The following PTPRM variants were observed in gnomAD, a reference collection of about 807,000 sequenced individuals.
The protein encoded by PTPRM is receptor-type tyrosine-protein phosphatase mu.
In PTPRM, 47 loss-of-function variants were observed where a neutral mutation model predicts 186.7. That is an observed-to-expected ratio of 0.25 (90% CI 0.20 to 0.32). The LOEUF (loss-of-function observed/expected upper bound fraction) is 0.32, where lower values mean the gene tolerates loss of function less well. Ranked by LOEUF, PTPRM falls within the 10% of genes least tolerant of loss-of-function variation. The probability of loss-of-function intolerance (pLI) is 1.00; values close to 1 mark genes in which losing one functional copy is unlikely to be tolerated. For missense variants in PTPRM, 1,494 were observed against 1,865.0 expected (o/e 0.80, Z 3.66); for synonymous variants, 668 against 674.9 (o/e 0.99, Z 0.16).
intron 1 of PTPRM, among the ~76,000 whole-genome samples, chr18:7,750,747 G>T (rs751878181): frequency 1.3e-5 from 2 of 152,102 alleles, no homozygotes; most frequent in Non-Finnish European, 2.9e-5. Flanking sequence ...GCTTTCGTAT[G>T]AGTACACACC....
chr18:8,144,393 C>T (rs1295824940), intron 14 of PTPRM, among the ~76,000 whole-genome samples: 1 of 152,174 alleles, frequency 6.6e-6, no homozygotes, highest in Non-Finnish European at 1.5e-5. Flanking sequence ...GCAGGTGAAT[C>T]ATTTGATCAC....
chr18:7,906,593 CTT>C lies in PTPRM; in HGVS notation c.547+12_547+13del. ...TTAGGACATCCATGTAGTAAGTTGT[CTT>C]TATTTGTAAATATTCGGGTACATCA... On this transcript the variant is annotated intron_variant, in intron 4 of 32. Coordinates refer to ENST00000580170, the MANE Select transcript of PTPRM (RefSeq NM_001105244.2). The C allele has an allele frequency of 6.3e-7, 1 of 1,592,212 alleles. No homozygotes were observed. Among genetic ancestry groups the C allele is most frequent in the Non-Finnish European group, 8.6e-7 (1 of 1,160,230 alleles).
chr18:8,347,314 C>G (rs1236157103), intron 23 of PTPRM, among the ~76,000 whole-genome samples: 1 of 152,120 alleles, frequency 6.6e-6, no homozygotes, highest in Non-Finnish European at 1.5e-5. Context: ...AATTGGAATT[C>G]CAAAGGACAC....
intron 7 of PTPRM, among the ~76,000 whole-genome samples, chr18:8,028,618 C>T (rs141383638): frequency 1.9e-3 from 282 of 152,148 alleles, no homozygotes; most frequent in African/African-American, 6.3e-3. Context: ...TCCCAGAGCC[C>T]GACTTAGCAG....
At chr18:7,738,249 C>T (rs2040812618) in intron 1 of PTPRM, among the ~76,000 whole-genome samples, 1 of 152,142 alleles carries the variant, frequency 6.6e-6, no homozygotes, top group Non-Finnish European at 1.5e-5. Context: ...TTGTTTATTC[C>T]TGTAGCATAA....
chr18:8,335,879 G>C (rs1165443606), intron 22 of PTPRM, among the ~76,000 whole-genome samples: 2 of 152,132 alleles, frequency 1.3e-5, no homozygotes, highest in Non-Finnish European at 2.9e-5. Flanking sequence ...AAAGCTAGCT[G>C]GGCGTGGTAG....
At chr18:7,727,660 A>G (rs7230935) in intron 1 of PTPRM, among the ~76,000 whole-genome samples, 10,139 of 152,262 alleles carry the variant, frequency 0.067, 882 homozygotes, top group African/African-American at 0.19. Flanking sequence ...CATTTCTCCC[A>G]AATTTGGATG....
chr18:8,202,757 C>T (rs1024587848), intron 14 of PTPRM, among the ~76,000 whole-genome samples: 17 of 151,998 alleles, frequency 1.1e-4, no homozygotes, highest in African/African-American at 3.9e-4. Context: ...CATTTTTCTC[C>T]TTGACTCTGT....
chr18:7,774,193 C>A lies in PTPRM; in HGVS notation c.118C>A (p.Gln40Lys). The A allele has an allele frequency of 6.2e-7, 1 of 1,612,714 alleles. No homozygotes were observed. Among genetic ancestry groups the A allele is most frequent in the Admixed American group, 1.7e-5 (1 of 60,014 alleles). Reference protein sequence around the residue: ...DEPYSTCGYSQSEGDDFNWEQ... With the variant: ...DEPYSTCGYSKSEGDDFNWEQ... Reference sequence around the variant, plus strand: ...GCCGTATAGCACATGTGGATATAGTCAATCTGAAGGTGATGACTTCAATTG... The same window carrying A: ...GCCGTATAGCACATGTGGATATAGTAAATCTGAAGGTGATGACTTCAATTG... Residue 40 changes from glutamine (Q) to lysine (K), a missense_variant, in exon 2 of 33, where the codon CAA becomes AAA. Gln to Lys is a moderately conservative substitution (Grantham distance 53). This residue lies in a region of PTPRM where 296 missense variants were observed against 345.5 expected (regional missense o/e 0.86). Coordinates refer to ENST00000580170, the MANE Select transcript of PTPRM (RefSeq NM_001105244.2).
chr18:8,225,984 A>G (rs574602987), intron 14 of PTPRM, among the ~76,000 whole-genome samples: 1 of 152,340 alleles, frequency 6.6e-6, no homozygotes, highest in South Asian at 2.1e-4. Flanking sequence ...ATATAAACAG[A>G]CAACTACAGA....
At chr18:8,051,164 A>G (rs984894441) in intron 7 of PTPRM, among the ~76,000 whole-genome samples, 1 of 152,110 alleles carries the variant, frequency 6.6e-6, no homozygotes, top group African/African-American at 2.4e-5. Flanking sequence ...TGCTTCCTGT[A>G]AGTTAAGTTT....
intron 1 of PTPRM, among the ~76,000 whole-genome samples, chr18:7,613,915 AATT>A: frequency 6.6e-6 from 1 of 152,288 alleles, no homozygotes; most frequent in South Asian, 2.1e-4. Context: ...TGGAAATCTG[AATT>A]TTCCTTATAA....
intron 2 of PTPRM, among the ~76,000 whole-genome samples, chr18:7,861,860 C>G (rs918848812): frequency 6.6e-6 from 1 of 151,944 alleles, no homozygotes; most frequent in Non-Finnish European, 1.5e-5. Flanking sequence ...TTACCCCCAC[C>G]CTGCAAAGTA....
chr18:7,996,390 A>C (rs1034766424), intron 7 of PTPRM, among the ~76,000 whole-genome samples: 11 of 152,106 alleles, frequency 7.2e-5, no homozygotes, highest in Admixed American at 7.2e-4. Context: ...GAACTTGGAC[A>C]TACCTCAGAA....
At chr18:8,177,808 A>G (rs1174172388) in intron 14 of PTPRM, among the ~76,000 whole-genome samples, 1 of 152,138 alleles carries the variant, frequency 6.6e-6, no homozygotes, top group Non-Finnish European at 1.5e-5. Flanking sequence ...TTGACCTTAG[A>G]TCTGGGGTTG....
intron 1 of PTPRM, among the ~76,000 whole-genome samples, chr18:7,606,803 A>T (rs770111103): frequency 1.3e-5 from 2 of 151,784 alleles, no homozygotes; most frequent in Non-Finnish European, 2.9e-5. Flanking sequence ...GGGAGGGAGG[A>T]TGTCTTGTTT....
intron 14 of PTPRM, among the ~76,000 whole-genome samples, chr18:8,189,343 T>C (rs1031303599): frequency 6.6e-6 from 1 of 150,490 alleles, no homozygotes; most frequent in Non-Finnish European, 1.5e-5. Context: ...AAACATCCCC[T>C]GTTTTTGGAG....
At chr18:7,857,879 A>G (rs2047168489) in intron 2 of PTPRM, among the ~76,000 whole-genome samples, 2 of 152,006 alleles carry the variant, frequency 1.3e-5, no homozygotes, top group Non-Finnish European at 2.9e-5. Context: ...CTGCTGACAA[A>G]GATAAAGAAG....
intron 1 of PTPRM, among the ~76,000 whole-genome samples, chr18:7,729,336 G>A (rs1282529744): frequency 6.6e-6 from 1 of 152,104 alleles, no homozygotes; most frequent in East Asian, 1.9e-4. Flanking sequence ...CACAGGTGTT[G>A]TGTGACCCTG....
Sources: gnomAD v4.1 joint callset for allele counts (sites outside exome capture counted in the v4.1 genomes callset) on GRCh38, gnomAD v4.1.1 for gene constraint, gnomAD v4.1.1 regional missense constraint, MANE v1.5 for transcripts, NCBI Gene and HGNC (gene_info 2026-07-23, HGNC 2026-07-21) for gene names.